Variants in IGSF21 observed in about 807,000 individuals in gnomAD.
IGSF21 encodes the protein immunoglobulin superfamily member 21.
IGSF21 carries 28 observed loss-of-function variants against 46.8 expected under a neutral mutation model. The ratio of observed to expected loss-of-function variants is 0.60; its 90% CI spans 0.44 to 0.82. IGSF21 has a LOEUF of 0.82. IGSF21 is among the 40% of genes least tolerant of loss of function. IGSF21 has a pLI of 0.00. For synonymous variants in IGSF21, 284 were observed against 273.6 expected (o/e 1.04, Z -0.38); for missense variants, 624 against 665.5 (o/e 0.94, Z 0.69).
intron 2 of IGSF21, among the ~76,000 whole-genome samples, chr1:18,276,577 C>G (rs1316504176): frequency 6.6e-6 from 1 of 152,210 alleles, no homozygotes; most frequent in African/African-American, 2.4e-5. Flanking sequence ...CCCGCCATCT[C>G]TAATGCAGGA....
chr1:18,352,588 G>A (rs1569861260), intron 4 of IGSF21, among the ~76,000 whole-genome samples: 1 of 152,282 alleles, frequency 6.6e-6, no homozygotes, highest in Non-Finnish European at 1.5e-5. Flanking sequence ...AGACGTCTGT[G>A]GCCGCCCACC....
rs1183073952 is a variant in IGSF21, at chr1:18,378,450, G to A, written c.*124G>A. 4.0e-5 allele frequency: 32 copies of A among 809,472 alleles called. No individual in the cohort carries two copies. In the East Asian group the frequency reaches 5.4e-4, roughly 14 times the overall value. The allele number at this position is 809,472 out of a possible 1,614,324, so 50.1% of individuals were successfully genotyped here. A position where few individuals can be genotyped will look rare whatever the true frequency, so the allele number is the denominator to read the frequency against. ...CATCTGTGTCTTGGCTTCTTCAGTC[G>A]GTTTAATTAAAACAAACAGAACAAT... On this transcript the variant is annotated 3_prime_UTR_variant, in exon 10 of 10. Coordinates refer to ENST00000251296, the MANE Select transcript of IGSF21 (RefSeq NM_032880.5).
At chr1:18,326,168 C>G (rs2085656140) in intron 3 of IGSF21, among the ~76,000 whole-genome samples, 1 of 152,212 alleles carries the variant, frequency 6.6e-6, no homozygotes. Flanking sequence ...ACGGCTCTGT[C>G]CAGGTGGAGC....
intron 2 of IGSF21, among the ~76,000 whole-genome samples, chr1:18,260,888 T>C (rs2084941010): frequency 6.6e-6 from 1 of 152,228 alleles, no homozygotes; most frequent in Admixed American, 6.5e-5. Flanking sequence ...TGGTCTTGGC[T>C]AGTGGGGCCT....
chr1:18,161,486 T>C (rs998718190), intron 1 of IGSF21, among the ~76,000 whole-genome samples: 2 of 152,018 alleles, frequency 1.3e-5, no homozygotes, highest in African/African-American at 4.8e-5. Context: ...AAGCCTTATT[T>C]ACCTTCCCCC....
At position 18,252,044 on chromosome 1, in the gene IGSF21, C is replaced by CTTTTT. The variant is rs1557608067; in HGVS notation, c.183+24034_183+24035insTTTTT. The stretch of plus-strand genomic sequence containing the variant: ...AGGCTGGAACACTTTCTGACCAAGG[C>CTTTTT]GTTTTTTTTTTTTTTTTTTTTTTTG... On this transcript the variant is annotated intron_variant, in intron 2 of 9. Coordinates refer to ENST00000251296, the MANE Select transcript of IGSF21 (RefSeq NM_032880.5). Among the ~76,000 whole-genome samples, 12 of 98,982 alleles carry CTTTTT rather than the reference C, an allele frequency of 1.2e-4. 2 individuals carry two copies. The highest frequency in any genetic ancestry group is 4.1e-4 in the South Asian group (1 of 2,444). The allele number at this position is 98,982 out of a possible 152,430, so 64.9% of individuals were successfully genotyped here. A position where few individuals can be genotyped will look rare whatever the true frequency, so the allele number is the denominator to read the frequency against.
At chr1:18,232,179 T>C (rs2084633978) in intron 2 of IGSF21, among the ~76,000 whole-genome samples, 1 of 144,220 alleles carries the variant, frequency 6.9e-6, no homozygotes, top group South Asian at 2.2e-4. Context: ...GGCTTCATCT[T>C]CACAGCTCAT....
chr1:18,305,542 T>G (rs2085416029), intron 3 of IGSF21, among the ~76,000 whole-genome samples: 1 of 121,664 alleles, frequency 8.2e-6, no homozygotes, highest in African/African-American at 2.8e-5. Context: ...AATGGATGGA[T>G]GGATGATGGA....
intron 3 of IGSF21, among the ~76,000 whole-genome samples, chr1:18,319,825 T>C (rs1374172819): frequency 6.6e-6 from 1 of 152,136 alleles, no homozygotes; most frequent in African/African-American, 2.4e-5. Context: ...CCTATCCCTG[T>C]CCTGTCTTTC....
At position 18,291,931 on chromosome 1, in the gene IGSF21, C is replaced by T; in HGVS notation, c.249C>T (p.Tyr83=). The T allele has an allele frequency of 6.2e-7, 1 of 1,614,084 alleles. No homozygotes were observed. Among genetic ancestry groups the T allele is most frequent in the South Asian group, 1.1e-5 (1 of 91,082 alleles). The change falls in exon 3 of 10, where the codon TAC becomes TAT. Residue 83 remains tyrosine, a synonymous_variant. Transcript: ENST00000251296. The part of the protein sequence containing the change: ...FTFDAMFSTN[Y]SHMENYRKRE... ...TCGACGCCATGTTCTCCACCAACTA[C>T]TCACACATGGAGAACTACCGCAAGC...
intron 2 of IGSF21, among the ~76,000 whole-genome samples, chr1:18,266,454 G>A (rs1046045127): frequency 2.0e-5 from 3 of 152,192 alleles, no homozygotes; most frequent in Admixed American, 6.5e-5. Flanking sequence ...GATGAGCTAG[G>A]TAGCTGTGCA....
rs1437159566 is a variant in IGSF21 at position 18,327,988 on chromosome 1, G to T, written c.306-6904G>T. Among the ~76,000 whole-genome samples the T allele has an allele frequency of 2.0e-5, 3 of 152,166 alleles. No homozygotes were observed. The East Asian group carries it at 5.8e-4, about 29-fold the overall frequency. ...ACACATTGCAAAACCCCTAAGACTC[G>T]ACAGGATGAGATTGATGTTTGTTTT... On this transcript the variant is annotated intron_variant, in intron 3 of 9. Coordinates refer to ENST00000251296, the MANE Select transcript of IGSF21 (RefSeq NM_032880.5).
At chr1:18,347,173 C>T (rs1211244923) in intron 4 of IGSF21, among the ~76,000 whole-genome samples, 1 of 152,190 alleles carries the variant, frequency 6.6e-6, no homozygotes, top group African/African-American at 2.4e-5. Flanking sequence ...TCCCTCCCTC[C>T]CTCTCTGAAC....
At chr1:18,349,028 G>A (rs910181726) in intron 4 of IGSF21, among the ~76,000 whole-genome samples, 2 of 152,240 alleles carry the variant, frequency 1.3e-5, no homozygotes, top group Non-Finnish European at 2.9e-5. Flanking sequence ...AGCACTGATT[G>A]AGTGCTCACT....
At chr1:18,136,036 G>GT (rs2086365637) in intron 1 of IGSF21, among the ~76,000 whole-genome samples, 1 of 152,174 alleles carries the variant, frequency 6.6e-6, no homozygotes, top group Non-Finnish European at 1.5e-5. Flanking sequence ...TTTTTCATGT[G>GT]TTTTTTGGCT....
In IGSF21 at chr1:18,190,044, T is replaced by G. The variant is rs9662032; in HGVS notation, c.71-37854T>G. On this transcript the variant is annotated intron_variant, in intron 1 of 9. Transcript: ENST00000251296. The stretch of plus-strand genomic sequence containing the variant: ...TCCCTTGGTGGGCCACCCTCAGCCC[T>G]CTTCCTGGACAGAGACCCTGCTCAC... Among the ~76,000 whole-genome samples, 1,110 of 152,116 alleles carry G rather than the reference T, an allele frequency of 7.3e-3. 12 individuals are homozygous for G. Among genetic ancestry groups the G allele is most frequent in the African/African-American group, 0.025 (1,052 of 41,484 alleles).
intron 2 of IGSF21, among the ~76,000 whole-genome samples, chr1:18,263,350 G>A (rs1472117904): frequency 6.6e-6 from 1 of 152,068 alleles, no homozygotes; most frequent in African/African-American, 2.4e-5. Context: ...TGAGCAAAGG[G>A]AAGAAAGAGT....
At chr1:18,118,661 G>T (rs560373691) in intron 1 of IGSF21, among the ~76,000 whole-genome samples, 2 of 152,140 alleles carry the variant, frequency 1.3e-5, no homozygotes, top group African/African-American at 4.8e-5. Context: ...CAGAGAAGTG[G>T]GTCTGATCTC....
chr1:18,143,238 G>C (rs2086434601), intron 1 of IGSF21, among the ~76,000 whole-genome samples: 1 of 152,164 alleles, frequency 6.6e-6, no homozygotes, highest in Non-Finnish European at 1.5e-5. Flanking sequence ...CTTCTGTCGG[G>C]CCTGGGCTCA....
Sources: allele counts gnomAD v4.1 joint callset (sites outside exome capture counted in the v4.1 genomes callset), GRCh38; gene constraint gnomAD v4.1.1; transcripts MANE v1.5; gene names NCBI Gene and HGNC (gene_info 2026-07-23, HGNC 2026-07-21).